AHI1: variants seen among roughly 807,000 people sequenced by gnomAD.
The protein encoded by AHI1 is jouberin.
AHI1 carries 123 observed loss-of-function variants against 149.3 expected under a neutral mutation model. The ratio of observed to expected loss-of-function variants is 0.82; its 90% CI spans 0.71 to 0.96. The LOEUF is 0.96. Among genes scored for constraint, AHI1 ranks in the 40% least tolerant of loss-of-function variants. The pLI is 0.00. For synonymous variants in AHI1, 475 were observed against 459.8 expected (o/e 1.03, Z -0.42); for missense variants, 1,439 against 1,422.7 (o/e 1.01, Z -0.18).
In AHI1 at chr6:135,442,688, G is replaced by A. The variant is rs1173430567; in HGVS notation, c.1806C>T (p.Leu602=). 4 of 1,611,160 alleles carry A rather than the reference G, an allele frequency of 2.5e-6. No homozygotes were observed. The highest frequency in any genetic ancestry group is 3.4e-6 in the Non-Finnish European group (4 of 1,178,528). Residue 602 remains leucine, a synonymous_variant, in exon 14 of 29, where the codon CTC becomes CTT. Coordinates refer to ENST00000265602, the MANE Select transcript of AHI1 (RefSeq NM_001134831.2). ...CTCGTTCTCCTGCATTTAGTGAGAA[G>A]AGGTGTTTGTTTGGGATACGGCAAG... The part of the protein sequence containing the change: ...GQACRIPNKH[L]FSLNAGERGC...
chr6:135,412,021 T>C (rs1781671117), intron 20 of AHI1, among the ~76,000 whole-genome samples: 1 of 152,166 alleles, frequency 6.6e-6, no homozygotes, highest in Admixed American at 6.5e-5. Flanking sequence ...TACAATGACG[T>C]AATTATAATT....
chr6:135,302,915 A>G, intron 26 of AHI1: 1 of 778,734 alleles, frequency 1.3e-6, no homozygotes, highest in East Asian at 6.8e-5. Flanking sequence ...TTCTTTCCAC[A>G]CACACTTGTT....
chr6:135,326,469 A>C (rs778642361), intron 24 of AHI1, among the ~76,000 whole-genome samples: 40 of 152,070 alleles, frequency 2.6e-4, no homozygotes, highest in Non-Finnish European at 5.1e-4. Flanking sequence ...TAGGGGTACA[A>C]GTGGTTTCTG....
intron 5 of AHI1, among the ~76,000 whole-genome samples, chr6:135,469,762 T>C (rs542488169): frequency 3.3e-5 from 5 of 152,274 alleles, no homozygotes; most frequent in African/African-American, 1.2e-4. Flanking sequence ...TGTCTAGCCA[T>C]ATGCAGAAAA....
At chr6:135,436,226 G>A (rs958548927) in intron 15 of AHI1, among the ~76,000 whole-genome samples, 7 of 152,096 alleles carry the variant, frequency 4.6e-5, no homozygotes, top group Admixed American at 4.6e-4. Flanking sequence ...ACATATAGAC[G>A]ATCGGCAGAG....
At chr6:135,332,480 T>A (rs755105968) in intron 24 of AHI1, among the ~76,000 whole-genome samples, 2 of 152,210 alleles carry the variant, frequency 1.3e-5, no homozygotes, top group African/African-American at 2.4e-5. Context: ...CCAGGTATAT[T>A]GAATATTGAA....
chr6:135,329,066 T>C (rs920742556), intron 24 of AHI1, among the ~76,000 whole-genome samples: 7 of 152,146 alleles, frequency 4.6e-5, no homozygotes, highest in Non-Finnish European at 5.9e-5. Context: ...GGTTGCTTCA[T>C]GAAGTGTGAA....
intron 11 of AHI1, 80 bp from the exon 12 acceptor site, chr6:135,448,555 AC>A: frequency 8.8e-7 from 1 of 1,131,816 alleles, no homozygotes. Flanking sequence ...AAAGTCAGAA[AC>A]ATTTTTAAAA....
intron 26 of AHI1, among the ~76,000 whole-genome samples, chr6:135,310,645 GATATTTTTA>G (rs1210897508): frequency 6.6e-6 from 1 of 152,164 alleles, no homozygotes; most frequent in African/African-American, 2.4e-5. Flanking sequence ...AGCTATAATA[GATATTTTTA>G]TAATTATCTT....
chr6:135,309,556 C>T (rs1382615652), intron 26 of AHI1, among the ~76,000 whole-genome samples: 1 of 150,878 alleles, frequency 6.6e-6, no homozygotes, highest in African/African-American at 2.4e-5. Context: ...GATCTCAGCT[C>T]ACTGCAACCT....
intron 5 of AHI1, among the ~76,000 whole-genome samples, chr6:135,472,522 C>T (rs1791910536): frequency 6.6e-6 from 1 of 152,176 alleles, no homozygotes. Flanking sequence ...AGTGGAATTG[C>T]TGTGCTACAT....
intron 26 of AHI1, chr6:135,302,292 T>C: frequency 1.0e-6 from 1 of 985,418 alleles, no homozygotes; most frequent in East Asian, 1.1e-4. Context: ...AATCAGAAAT[T>C]CTCATCAATT....
At chr6:135,355,531 G>C (rs1468244380) in intron 24 of AHI1, among the ~76,000 whole-genome samples, 1 of 152,098 alleles carries the variant, frequency 6.6e-6, no homozygotes, top group Non-Finnish European at 1.5e-5. Flanking sequence ...TAGTACTATA[G>C]AATCAAACTC....
chr6:135,359,072 T>G (rs1793444197), intron 23 of AHI1, among the ~76,000 whole-genome samples: 1 of 152,208 alleles, frequency 6.6e-6, no homozygotes, highest in Non-Finnish European at 1.5e-5. Context: ...TAAATGTTAG[T>G]TTCTCTTCTA....
chr6:135,472,139 T>C (rs977026307), intron 5 of AHI1, among the ~76,000 whole-genome samples: 3 of 144,540 alleles, frequency 2.1e-5, no homozygotes, highest in African/African-American at 7.6e-5. Context: ...ACCACCACCA[T>C]AATCATGACA....
chr6:135,405,792 G>T (rs1780686948), intron 21 of AHI1, among the ~76,000 whole-genome samples: 1 of 150,812 alleles, frequency 6.6e-6, no homozygotes. Flanking sequence ...TCTGGGAGGT[G>T]GAGGTTGTAG....
intron 24 of AHI1, among the ~76,000 whole-genome samples, chr6:135,344,095 C>T (rs1428117573): frequency 6.6e-6 from 1 of 151,972 alleles, no homozygotes; most frequent in African/African-American, 2.4e-5. Context: ...TATTTGCATA[C>T]AACTTACACA....
intron 26 of AHI1, among the ~76,000 whole-genome samples, chr6:135,303,213 G>GCCCCTTT (rs1292862999): frequency 6.6e-6 from 1 of 152,128 alleles, no homozygotes; most frequent in Non-Finnish European, 1.5e-5. Context: ...AAAAGAGAAA[G>GCCCCTTT]GGGCTATGCA....
chr6:135,401,060 C>A (rs1162711341), intron 22 of AHI1, among the ~76,000 whole-genome samples: 4 of 152,186 alleles, frequency 2.6e-5, no homozygotes, highest in Non-Finnish European at 4.4e-5. Flanking sequence ...TTTCCCCTTG[C>A]TTGCTCACTA....
Sources: allele counts gnomAD v4.1 joint callset (sites outside exome capture counted in the v4.1 genomes callset), GRCh38; gene constraint gnomAD v4.1.1; transcripts MANE v1.5; gene names NCBI Gene and HGNC (gene_info 2026-07-23, HGNC 2026-07-21).